Variants in CHD1L observed in about 807,000 individuals in gnomAD.
CHD1L encodes ATP-dependent chromatin remodeler CHD1L.
Under a neutral mutation model 115.9 loss-of-function variants are expected in CHD1L, and 118 were observed. The observed-to-expected ratio is 1.02, with a 90% CI of 0.88 to 1.19. The LOEUF is 1.19. Ranked by LOEUF, CHD1L falls within the 50% of genes most tolerant of loss-of-function variation. The pLI is 0.00. For missense variants in CHD1L, 1,179 were observed against 1,065.3 expected (o/e 1.11, Z -1.49); for synonymous variants, 411 against 387.1 (o/e 1.06, Z -0.72).
Position 147,254,867 on chromosome 1 carries a change from C to T in CHD1L, c.241-3C>T. 1 of 1,586,544 alleles carries T rather than the reference C, an allele frequency of 6.3e-7. No individual in the cohort carries two copies. Among genetic ancestry groups the T allele is most frequent in the Non-Finnish European group, 8.6e-7 (1 of 1,169,034 alleles). ...AAACTGCCTTTCTTTTTCTGTGTTC[C>T]AGACTATTGCTCTCTTCATTTATTT... is the stretch of plus-strand genomic sequence containing the variant. On this transcript the variant is annotated splice_polypyrimidine_tract_variant and splice_region_variant and intron_variant, in intron 2 of 22. Transcript: ENST00000369258.
chr1:147,236,111 T>G, the CHD1L span, among the ~76,000 whole-genome samples: 5 of 152,160 alleles, frequency 3.3e-5, no homozygotes, highest in Non-Finnish European at 2.9e-5. Context: ...GGTGCCAGTA[T>G]GGGCACTGAC....
At chr1:147,229,191 T>A in the CHD1L span, among the ~76,000 whole-genome samples, 1 of 152,146 alleles carries the variant, frequency 6.6e-6, no homozygotes, top group Non-Finnish European at 1.5e-5. Context: ...TTTTATAAGG[T>A]GTAAGGAAGG....
intron 13 of CHD1L, among the ~76,000 whole-genome samples, chr1:147,275,782 TAAA>T (rs1344302937): frequency 7.2e-6 from 1 of 139,390 alleles, no homozygotes. Context: ...GGAGCTAAGC[TAAA>T]AAAAAAAAAA....
At chr1:147,204,431 C>G in the CHD1L span, 1 of 1,203,840 alleles carries the variant, frequency 8.3e-7, no homozygotes, top group East Asian at 2.3e-5. Flanking sequence ...TTACACATTA[C>G]AGAGGTACGA....
upstream of CHD1L, among the ~76,000 whole-genome samples, chr1:147,238,173 TAA>T (rs1458070040): frequency 2.0e-5 from 3 of 152,170 alleles, no homozygotes; most frequent in Admixed American, 2.0e-4. Context: ...AAACCCAAGT[TAA>T]GTGTTTTTCA....
chr1:147,270,010 C>G (rs1363937959), intron 10 of CHD1L, among the ~76,000 whole-genome samples: 1 of 152,116 alleles, frequency 6.6e-6, no homozygotes, highest in African/African-American at 2.4e-5. Flanking sequence ...TTTTATTTCA[C>G]AGACCCAGAA....
chr1:147,245,465 T>C (rs1388942027), intron 1 of CHD1L, among the ~76,000 whole-genome samples: 1 of 152,142 alleles, frequency 6.6e-6, no homozygotes, highest in Non-Finnish European at 1.5e-5. Flanking sequence ...AGGTAGATAC[T>C]TCCTTGGTGT....
chr1:147,255,716 C>A, intron 3 of CHD1L, 97 bp from the exon 4 acceptor site: 2 of 799,928 alleles, frequency 2.5e-6, no homozygotes, highest in Non-Finnish European at 4.0e-6. Context: ...GAGTTCTGTA[C>A]ATTGCAATCC....
At chr1:147,215,533 C>G in the CHD1L span, 165,344 of 483,374 alleles carry the variant, frequency 0.34, 29,506 homozygotes, top group African/African-American at 0.5. Flanking sequence ...ACTCTGCCAG[C>G]TGGCTTCCTG....
intron 20 of CHD1L, 31 bp from the exon 21 acceptor site, chr1:147,293,577 G>T: frequency 6.3e-7 from 1 of 1,581,908 alleles, no homozygotes. Context: ...GTTTCATGTT[G>T]GGTTGGTCAT....
At chr1:147,217,235 G>A in the CHD1L span, among the ~76,000 whole-genome samples, 292 of 19,082 alleles carry the variant, frequency 0.015, 7 homozygotes, top group East Asian at 0.38. Context: ...GCAAAACTCC[G>A]TCTACAAAAA....
the CHD1L span, among the ~76,000 whole-genome samples, chr1:147,202,817 G>A: frequency 6.6e-6 from 1 of 151,998 alleles, no homozygotes; most frequent in African/African-American, 2.4e-5. Flanking sequence ...TTCACCAGCA[G>A]TACCACCATC....
At chr1:147,176,819 T>A in the CHD1L span, among the ~76,000 whole-genome samples, 7 of 152,168 alleles carry the variant, frequency 4.6e-5, no homozygotes, top group Non-Finnish European at 8.8e-5. Flanking sequence ...TTTATCTTTT[T>A]AGCCATAAAT....
At chr1:147,178,185 C>T in the CHD1L span, 2 of 1,612,056 alleles carry the variant, frequency 1.2e-6, no homozygotes, top group South Asian at 1.1e-5. Context: ...TCGCGGCTGC[C>T]TCCGACGTGC....
At chr1:147,272,329 A>G (rs1553954045) in intron 12 of CHD1L, 48 bp downstream of exon 12, 5 of 1,267,106 alleles carry the variant, frequency 3.9e-6, no homozygotes, top group Non-Finnish European at 5.8e-6. Context: ...GGGATAATAG[A>G]GTACTATTAC....
chr1:147,193,177 C>T, the CHD1L span, among the ~76,000 whole-genome samples: 1 of 152,156 alleles, frequency 6.6e-6, no homozygotes, highest in African/African-American at 2.4e-5. Context: ...ATTATTGCCA[C>T]AATTTCAGAG....
chr1:147,295,358 A>G (rs1322849640), intron 22 of CHD1L, 73 bp from the exon 23 acceptor site: 5 of 933,388 alleles, frequency 5.4e-6, no homozygotes, highest in African/African-American at 1.6e-5. Flanking sequence ...TTCAATAATT[A>G]CTAGAGAACT....
the CHD1L span, chr1:147,190,288 T>A: frequency 8.1e-7 from 1 of 1,231,366 alleles, no homozygotes; most frequent in Admixed American, 1.8e-5. Context: ...TAAAATTACC[T>A]CAGAAGGAAC....
chr1:147,288,342 A>AG (rs1684177295), intron 19 of CHD1L, among the ~76,000 whole-genome samples: 1 of 2,618 alleles, frequency 3.8e-4, no homozygotes, highest in East Asian at 0.017. Context: ...AAAAAAAAAA[A>AG]AAAAGAAAAA....
Sources: allele counts gnomAD v4.1 joint callset (sites outside exome capture counted in the v4.1 genomes callset), GRCh38; gene constraint gnomAD v4.1.1; transcripts MANE v1.5; gene names NCBI Gene and HGNC (gene_info 2026-07-23, HGNC 2026-07-21).